Variants in NRXN1 observed in about 807,000 individuals in gnomAD.
NRXN1 encodes the protein neurexin 1.
NRXN1 carries 39 observed loss-of-function variants against 150.9 expected under a neutral mutation model. The observed-to-expected ratio is 0.26, with a 90% CI of 0.20 to 0.34. The LOEUF is 0.34. Among genes scored for constraint, NRXN1 ranks in the 10% least tolerant of loss-of-function variants. The pLI, the probability that NRXN1 is intolerant of heterozygous loss-of-function variation, is 1.00. For missense variants in NRXN1, 1,815 were observed against 1,949.9 expected (o/e 0.93, Z 1.30); for synonymous variants, 924 against 757.0 (o/e 1.22, Z -3.62).
chr2:50,919,364 T>C (rs962381346), intron 5 of NRXN1: 1 of 151,824 alleles, frequency 6.6e-6, no homozygotes, highest in Admixed American at 6.6e-5. Context: ...ATGTTCTTTT[T>C]ACATGTGTTA....
intron 5 of NRXN1, among the ~76,000 whole-genome samples, chr2:50,847,474 C>T (rs1357355005): frequency 1.3e-5 from 2 of 151,938 alleles, no homozygotes; most frequent in Non-Finnish European, 2.9e-5. Flanking sequence ...GATACAGAAG[C>T]GGGGAAGGGA....
At chr2:50,881,980 C>T (rs1405042715) in intron 5 of NRXN1, among the ~76,000 whole-genome samples, 2 of 151,512 alleles carry the variant, frequency 1.3e-5, no homozygotes, top group African/African-American at 4.8e-5. Flanking sequence ...AAAATTCTGT[C>T]CTATGTTCAG....
intron 17 of NRXN1, 165 bp downstream of exon 17, chr2:50,465,277 T>C: frequency 2.0e-6 from 1 of 509,704 alleles, no homozygotes; most frequent in Non-Finnish European, 3.1e-6. Flanking sequence ...ACTTTAACAA[T>C]TAGTATTTCA....
intron 19 of NRXN1, 25 bp downstream of exon 19, chr2:50,091,298 C>T (rs1204454514): frequency 6.2e-7 from 1 of 1,613,498 alleles, no homozygotes; most frequent in East Asian, 2.2e-5. Context: ...TAAAATCTTC[C>T]CCCGATACAT....
chr2:50,073,040 C>A (rs1696538228), intron 19 of NRXN1, among the ~76,000 whole-genome samples: 1 of 152,166 alleles, frequency 6.6e-6, no homozygotes, highest in Admixed American at 6.5e-5. Flanking sequence ...CCTTTGTCTT[C>A]TGCTCTCTTT....
At chr2:50,030,242 T>C (rs1688995955) in intron 21 of NRXN1, among the ~76,000 whole-genome samples, 1 of 152,136 alleles carries the variant, frequency 6.6e-6, no homozygotes, top group Non-Finnish European at 1.5e-5. Context: ...AACTTGCAAT[T>C]ATAAATTCTT....
chr2:50,277,285 A>T (rs533241156), intron 17 of NRXN1, among the ~76,000 whole-genome samples: 17 of 152,096 alleles, frequency 1.1e-4, no homozygotes, highest in African/African-American at 4.1e-4. Context: ...AATAAATGTT[A>T]AAAAATGGAG....
intron 12 of NRXN1, chr2:50,506,996 C>A: frequency 6.1e-6 from 1 of 165,248 alleles, no homozygotes; most frequent in South Asian, 1.7e-4. Flanking sequence ...AATAAATTCT[C>A]TGATTTTTAG....
intron 2 of NRXN1, among the ~76,000 whole-genome samples, chr2:51,004,304 T>A (rs1031760944): frequency 4.6e-5 from 7 of 152,000 alleles, no homozygotes; most frequent in Non-Finnish European, 1.0e-4. Context: ...AAAACAGTTA[T>A]AGCAGCCAAT....
rs1413564669 is a variant in NRXN1 at position 50,921,945 on chromosome 2, A to G, written c.821-65T>C. 42 of 933,238 alleles carry G rather than the reference A, an allele frequency of 4.5e-5. 1 individual carries two copies. Among genetic ancestry groups the G allele is most frequent in the Non-Finnish European group, 1.1e-5 (7 of 648,096 alleles). The allele number at this position is 933,238 out of a possible 1,614,324, so 57.8% of individuals were successfully genotyped here. A position where few individuals can be genotyped will look rare whatever the true frequency, so the allele number is the denominator to read the frequency against. ...CCAGACAAAGAGGATAAAGAGGAGA[A>G]AAACAACAATAAGTATTATGAACAT... On this transcript the variant is annotated intron_variant, in intron 4 of 22. Transcript: ENST00000401669.
rs540515426 is a variant in NRXN1 at position 50,669,924 on chromosome 2, A to G, written c.833-46309T>C. 3.9e-5 allele frequency among the ~76,000 whole-genome samples: 6 copies of G among 151,968 alleles called. No individual in the cohort carries two copies. The East Asian group carries it at 1.2e-3, about 29-fold the overall frequency. ...CTCAAATTTAGAATAGTAATCTCCA[A>G]AAAGGCTACTGCTAGCATAATTTTC... On this transcript the variant is annotated intron_variant, in intron 5 of 22. Transcript: ENST00000401669.
At chr2:50,863,240 C>A (rs1559365650) in intron 5 of NRXN1, among the ~76,000 whole-genome samples, 1 of 152,022 alleles carries the variant, frequency 6.6e-6, no homozygotes, top group Non-Finnish European at 1.5e-5. Context: ...AGTAAACTGG[C>A]TTTTCAGATG....
At chr2:50,852,453 A>G (rs1394875282) in intron 5 of NRXN1, among the ~76,000 whole-genome samples, 2 of 152,282 alleles carry the variant, frequency 1.3e-5, no homozygotes, top group East Asian at 3.9e-4. Flanking sequence ...AGTTTAAAAT[A>G]TGTCTGCCTG....
intron 18 of NRXN1, among the ~76,000 whole-genome samples, chr2:50,216,955 T>A (rs1279367536): frequency 6.6e-6 from 1 of 152,116 alleles, no homozygotes; most frequent in Non-Finnish European, 1.5e-5. Context: ...AGAACCTATT[T>A]AATGTTTTGT....
At chr2:50,039,431 A>C (rs1418005837) in intron 21 of NRXN1, among the ~76,000 whole-genome samples, 1 of 152,228 alleles carries the variant, frequency 6.6e-6, no homozygotes, top group Non-Finnish European at 1.5e-5. Flanking sequence ...ATGCCACTGC[A>C]CTGCAGCTTG....
chr2:49,999,973 TAAAAC>T (rs1342480333), intron 21 of NRXN1, among the ~76,000 whole-genome samples: 5 of 152,122 alleles, frequency 3.3e-5, no homozygotes, highest in Admixed American at 2.6e-4. Flanking sequence ...TTTTTAATCA[TAAAAC>T]AAAAGGTATA....
intron 18 of NRXN1, among the ~76,000 whole-genome samples, chr2:50,140,151 G>C (rs1314726695): frequency 3.3e-5 from 5 of 152,112 alleles, no homozygotes; most frequent in African/African-American, 1.2e-4. Context: ...CAGCATGAAA[G>C]ATTGCTTTGT....
chr2:49,923,504 GTA>G (rs1052974498), intron 22 of NRXN1, among the ~76,000 whole-genome samples: 2 of 152,124 alleles, frequency 1.3e-5, no homozygotes, highest in African/African-American at 2.4e-5. Flanking sequence ...GAATGTGTGT[GTA>G]TGAGTGTGTG....
chr2:50,637,491 C>A (rs1250284679), intron 5 of NRXN1: 1 of 152,164 alleles, frequency 6.6e-6, no homozygotes, highest in African/African-American at 2.4e-5. Flanking sequence ...TGCAAACACA[C>A]AGAATTTATG....
Sources: gnomAD v4.1 joint callset for allele counts (sites outside exome capture counted in the v4.1 genomes callset) on GRCh38, gnomAD v4.1.1 for gene constraint, MANE v1.5 for transcripts, NCBI Gene and HGNC (gene_info 2026-07-23, HGNC 2026-07-21) for gene names.